TSPAN10: variants seen among roughly 807,000 people sequenced by gnomAD.
The protein encoded by TSPAN10 is tetraspanin-10.
TSPAN10 carries 11 observed loss-of-function variants against 15.0 expected under a neutral mutation model. The ratio of observed to expected loss-of-function variants is 0.73; its 90% CI spans 0.46 to 1.21. The LOEUF is 1.21. Ranked by LOEUF, TSPAN10 falls within the 50% of genes most tolerant of loss-of-function variation. TSPAN10 has a pLI of 0.00. For missense variants in TSPAN10, 486 were observed against 470.6 expected (o/e 1.03, Z -0.30); for synonymous variants, 241 against 226.2 (o/e 1.07, Z -0.59).
chr17:81,646,687 A>G (rs547976871), intron 2 of TSPAN10: 2 of 151,448 alleles, frequency 1.3e-5, no homozygotes, highest in African/African-American at 2.4e-5. Flanking sequence ...CTCAAAAAAA[A>G]AAAAGAAAAG....
chr17:81,646,873 G>A, intron 2 of TSPAN10, among the ~76,000 whole-genome samples: 1 of 150,774 alleles, frequency 6.6e-6, no homozygotes, highest in African/African-American at 2.5e-5. Flanking sequence ...TTGAGACGGA[G>A]TCTCCCTCTC....
upstream of TSPAN10, chr17:81,642,262 C>T (rs780014100): frequency 7.9e-6 from 6 of 760,344 alleles, no homozygotes; most frequent in Non-Finnish European, 8.8e-6. Context: ...CTGGGTAGGG[C>T]TCGCACCTCC....
chr17:81,647,822 A>G, intron 2 of TSPAN10, 79 bp from the exon 4 acceptor site: 1 of 1,483,256 alleles, frequency 6.7e-7, no homozygotes, highest in South Asian at 1.2e-5. Flanking sequence ...GAAGGTGGGT[A>G]GGCGACATTC....
At chr17:81,639,559 T>C (rs2036158079), upstream of TSPAN10, among the ~76,000 whole-genome samples, 1 of 151,942 alleles carries the variant, frequency 6.6e-6, no homozygotes. Context: ...AAGGTGTCAG[T>C]AGACGTGGTT....
At chr17:81,644,237 G>A (rs1186180802) in intron 1 of TSPAN10, among the ~76,000 whole-genome samples, 1 of 152,142 alleles carries the variant, frequency 6.6e-6, no homozygotes, top group Non-Finnish European at 1.5e-5. Flanking sequence ...CACAGAGAGA[G>A]ACCAGCAAGC....
chr17:81,644,902 G>A, intron 1 of TSPAN10, 90 bp from the exon 3 acceptor site: 1 of 1,546,936 alleles, frequency 6.5e-7, no homozygotes, highest in South Asian at 1.2e-5. Context: ...TCCCTCGAAG[G>A]CTCTGCCACC....
chr17:81,643,911 G>T (rs2036207328), intron 1 of TSPAN10, among the ~76,000 whole-genome samples: 1 of 151,724 alleles, frequency 6.6e-6, no homozygotes. Context: ...TCTGCCTCCT[G>T]CTCATGCAAC....
intron 1 of TSPAN10, among the ~76,000 whole-genome samples, chr17:81,644,698 C>T (rs1458334185): frequency 1.3e-5 from 2 of 152,232 alleles, no homozygotes; most frequent in Non-Finnish European, 1.5e-5. Context: ...CTGAGCACCG[C>T]CCTGCTTGGT....
exon 3 of TSPAN10, chr17:81,648,193 A>G: frequency 7.2e-7 from 1 of 1,398,440 alleles, no homozygotes; most frequent in Non-Finnish European, 9.2e-7. Flanking sequence ...CGCTGCCCGC[A>G]GGGGGGCGGC....
At chr17:81,647,758 G>C (rs2036273885) in intron 2 of TSPAN10, 143 bp from the exon 4 acceptor site, 1 of 825,704 alleles carries the variant, frequency 1.2e-6, no homozygotes, top group Non-Finnish European at 1.9e-6. Context: ...AGGTGTGTGC[G>C]AATAGGAGGG....
At chr17:81,647,629 T>A (rs2036272330) in intron 2 of TSPAN10, 2 of 657,984 alleles carry the variant, frequency 3.0e-6, no homozygotes, top group African/African-American at 3.6e-5. Flanking sequence ...CCTTCAACCG[T>A]CTCACTAAAT....
At chr17:81,639,997 A>G (rs1208913605), upstream of TSPAN10, among the ~76,000 whole-genome samples, 1 of 151,142 alleles carries the variant, frequency 6.6e-6, no homozygotes, top group African/African-American at 2.4e-5. Flanking sequence ...AAAAAAAAAG[A>G]AAAGACTGGG....
chr17:81,645,750 C>CACGA, intron 2 of TSPAN10, 121 bp downstream of exon 3: 1 of 1,272,206 alleles, frequency 7.9e-7, no homozygotes, highest in Non-Finnish European at 1.1e-6. Flanking sequence ...CACATGCATG[C>CACGA]ACACGTATAC....
At chr17:81,645,241 G>A (rs749071101) in exon 2 of TSPAN10, 19 of 1,536,540 alleles carry the variant, frequency 1.2e-5, no homozygotes, top group Non-Finnish European at 1.6e-5. Flanking sequence ...GCTGGCCCTG[G>A]CCATCGGGCT....
intron 2 of TSPAN10, chr17:81,647,556 C>T (rs2036271387): frequency 5.3e-6 from 3 of 562,050 alleles, no homozygotes; most frequent in South Asian, 1.5e-5. Flanking sequence ...CCAACTCTAC[C>T]TTCTCAATGA....
intron 2 of TSPAN10, among the ~76,000 whole-genome samples, chr17:81,647,209 C>G (rs2036266561): frequency 3.9e-5 from 6 of 152,164 alleles, no homozygotes; most frequent in Admixed American, 3.9e-4. Context: ...GGCAGTCCCC[C>G]TAGAGTGTCG....
At chr17:81,647,787 T>C in intron 2 of TSPAN10, 114 bp from the exon 4 acceptor site, 2 of 1,135,730 alleles carry the variant, frequency 1.8e-6, no homozygotes, top group African/African-American at 1.6e-5. Flanking sequence ...CGTGTGTGCA[T>C]GTGCCTGTGT....
At chr17:81,638,415 C>T (rs550007352), upstream of TSPAN10, 1 of 152,328 alleles carries the variant, frequency 6.6e-6, no homozygotes, top group East Asian at 1.9e-4. Context: ...TCTCCTGCCT[C>T]AGCCTCCCGG....
chr17:81,647,705 G>A, intron 2 of TSPAN10, 196 bp from the exon 4 acceptor site: 1 of 653,816 alleles, frequency 1.5e-6, no homozygotes, highest in Non-Finnish European at 2.7e-6. Flanking sequence ...CGTGCACAGG[G>A]ATACGTTATA....
Sources: gnomAD v4.1 joint callset for allele counts (sites outside exome capture counted in the v4.1 genomes callset) on GRCh38, gnomAD v4.1.1 for gene constraint, MANE v1.5 for transcripts, NCBI Gene and HGNC (gene_info 2026-07-23, HGNC 2026-07-21) for gene names.